KIZ: variants seen among roughly 807,000 people sequenced by gnomAD.
KIZ encodes the protein kizuna centrosomal protein.
KIZ carries 68 observed loss-of-function variants against 79.6 expected under a neutral mutation model. The observed-to-expected ratio is 0.85, with a 90% confidence interval of 0.70 to 1.05. The LOEUF is 1.05. Ranked by LOEUF, KIZ falls within the 50% of genes least tolerant of loss-of-function variation. KIZ has a pLI of 0.00. For missense variants in KIZ, 797 were observed against 800.4 expected (o/e 1.00, Z 0.05); for synonymous variants, 280 against 281.8 (o/e 0.99, Z 0.06).
At position 21,148,558 on chromosome 20, in the gene KIZ, A is replaced by G. The variant is rs548523264; in HGVS notation, c.405+2904A>G. Reference sequence around the variant, plus strand: ...CACTCAGATCCTCACAAATTTTACTATAGTAATTCTTCACCTCTATTATAT... The same window carrying G: ...CACTCAGATCCTCACAAATTTTACTGTAGTAATTCTTCACCTCTATTATAT... On this transcript the variant is annotated intron_variant, in intron 4 of 12. Transcript: ENST00000619189. 9.2e-5 allele frequency among the ~76,000 whole-genome samples: 14 copies of G among 152,298 alleles called. No individual in the cohort carries two copies. In the South Asian group the frequency reaches 1.5e-3, roughly 16 times the overall value.
chr20:21,189,365 A>G (rs894755034), intron 6 of KIZ, among the ~76,000 whole-genome samples: 1 of 152,196 alleles, frequency 6.6e-6, no homozygotes, highest in African/African-American at 2.4e-5. Flanking sequence ...AATGCTATTC[A>G]TTTCATAAAG....
At chr20:21,207,099 G>T (rs1268884524) in intron 7 of KIZ, among the ~76,000 whole-genome samples, 1 of 152,014 alleles carries the variant, frequency 6.6e-6, no homozygotes, top group Non-Finnish European at 1.5e-5. Context: ...TCTTTTTAAG[G>T]TGTTTCTAAA....
intron 7 of KIZ, among the ~76,000 whole-genome samples, chr20:21,211,523 A>T (rs1463788969): frequency 6.6e-6 from 1 of 152,224 alleles, no homozygotes; most frequent in African/African-American, 2.4e-5. Context: ...GCATAGTTCA[A>T]TCATAAGCAC....
At chr20:21,137,219 C>G (rs1205391234) in intron 3 of KIZ, among the ~76,000 whole-genome samples, 1 of 152,186 alleles carries the variant, frequency 6.6e-6, no homozygotes, top group Non-Finnish European at 1.5e-5. Context: ...CTGTGTGACC[C>G]AGAGTGACTG....
At chr20:21,229,553 ATTATTTTATT>A (rs553915602) in intron 10 of KIZ, among the ~76,000 whole-genome samples, 102 of 152,158 alleles carry the variant, frequency 6.7e-4, no homozygotes, top group African/African-American at 2.1e-3. Flanking sequence ...GCTAAATTTT[ATTATTTTATT>A]TTATTTTATT....
At chr20:21,152,504 T>A (rs941360037) in intron 4 of KIZ, among the ~76,000 whole-genome samples, 15 of 152,110 alleles carry the variant, frequency 9.9e-5, no homozygotes, top group Admixed American at 9.8e-4. Context: ...TGAATGGAGA[T>A]CTCTAAGAGA....
At position 21,229,027 on chromosome 20, in the gene KIZ, G is replaced by C; in HGVS notation, c.1695G>C (p.Gln565His). 1 of 1,604,546 alleles carries C rather than the reference G, an allele frequency of 6.2e-7. No individual in the cohort carries two copies. The highest frequency in any genetic ancestry group is 8.5e-7 in the Non-Finnish European group (1 of 1,172,350). The change falls in exon 10 of 13, where the codon CAG becomes CAC. Residue 565 changes from glutamine (Q) to histidine (H), a missense_variant. Coordinates refer to ENST00000619189, the MANE Select transcript of KIZ (RefSeq NM_018474.6). ...AATCAACAGAAACAGAAGCCTATCAGTTGCTGAAGAAGGCCACCCTTCAGG... is the reference window on the plus strand; with the variant it reads ...AATCAACAGAAACAGAAGCCTATCACTTGCTGAAGAAGGCCACCCTTCAGG... ...DIPITETEAY[Q>H]LLKKATLQDN...
intron 6 of KIZ, among the ~76,000 whole-genome samples, chr20:21,185,630 C>T (rs374513638): frequency 9.9e-5 from 15 of 151,580 alleles, no homozygotes; most frequent in East Asian, 9.7e-4. Context: ...AACAGGGTCT[C>T]GAACTCCTGG....
chr20:21,238,715 G>A (rs925947254), intron 11 of KIZ, among the ~76,000 whole-genome samples: 5 of 152,132 alleles, frequency 3.3e-5, no homozygotes, highest in Admixed American at 2.6e-4. Flanking sequence ...GTTTATTCTG[G>A]TGTCAGTCTC....
intron 6 of KIZ, among the ~76,000 whole-genome samples, chr20:21,175,613 G>C (rs2034400226): frequency 6.6e-6 from 1 of 152,152 alleles, no homozygotes; most frequent in South Asian, 2.1e-4. Flanking sequence ...TACCATAAAA[G>C]GCTTCCCCTC....
chr20:21,155,381 C>T (rs1196346200), intron 4 of KIZ, among the ~76,000 whole-genome samples: 2 of 149,904 alleles, frequency 1.3e-5, no homozygotes, highest in Admixed American at 6.8e-5. Context: ...ATGGATAAAC[C>T]TTGAAAACAT....
At chr20:21,136,741 G>A (rs1287718679) in intron 3 of KIZ, among the ~76,000 whole-genome samples, 189 bp downstream of exon 3, 1 of 151,996 alleles carries the variant, frequency 6.6e-6, no homozygotes, top group Non-Finnish European at 1.5e-5. Flanking sequence ...TGTACCTCCC[G>A]AGTAGCTGGG....
At chr20:21,245,224 G>A (rs2037349240) in intron 12 of KIZ, 1 of 152,158 alleles carries the variant, frequency 6.6e-6, no homozygotes, top group Non-Finnish European at 1.5e-5. Context: ...AACTGATTCA[G>A]AGCTGCTGTA....
chr20:21,166,323 T>C, intron 6 of KIZ: 1 of 1,604,174 alleles, frequency 6.2e-7, no homozygotes, highest in Non-Finnish European at 8.5e-7. Flanking sequence ...TGGAAGCAGA[T>C]TATTCTGCCA....
chr20:21,133,516 G>A (rs1321284745), intron 2 of KIZ, among the ~76,000 whole-genome samples: 1 of 152,212 alleles, frequency 6.6e-6, no homozygotes, highest in East Asian at 1.9e-4. Flanking sequence ...AGGGGCAAGT[G>A]TGAGAAAAGG....
intron 11 of KIZ, among the ~76,000 whole-genome samples, chr20:21,235,875 G>A (rs1490133378): frequency 1.3e-5 from 2 of 152,194 alleles, no homozygotes; most frequent in Non-Finnish European, 2.9e-5. Flanking sequence ...CTCTGATGGC[G>A]GTGGCATTTT....
intron 11 of KIZ, among the ~76,000 whole-genome samples, chr20:21,237,322 A>T (rs2037048919): frequency 6.6e-6 from 1 of 151,136 alleles, no homozygotes; most frequent in East Asian, 1.9e-4. Context: ...AAAAAAAAAA[A>T]TAGATATTGA....
At position 21,220,348 on chromosome 20, in the gene KIZ, A is replaced by C. The variant is rs1039744904; in HGVS notation, c.1678+4700A>C. Among the ~76,000 whole-genome samples the C allele has an allele frequency of 2.6e-5, 4 of 152,174 alleles. No homozygotes were observed. The East Asian group carries it at 5.8e-4, about 22-fold the overall frequency. On this transcript the variant is annotated intron_variant, in intron 9 of 12. Coordinates refer to ENST00000619189, the MANE Select transcript of KIZ (RefSeq NM_018474.6). ...TCACCCTACAAGTGGTCAGACAGAAACTTAGAAAGGTATCCTGCTCAAGGC... is the reference window on the plus strand; with the variant it reads ...TCACCCTACAAGTGGTCAGACAGAACCTTAGAAAGGTATCCTGCTCAAGGC...
rs1402978736 is a variant in KIZ at position 21,185,051 on chromosome 20, G to GA, written c.1353-20433dup. The stretch of plus-strand genomic sequence containing the variant: ...GAGCAAGACCCTGTCTCAAGGAAAG[G>GA]AAAAAAATAATTGTGTGTGTGTGTG... On this transcript the variant is annotated intron_variant, in intron 6 of 12. Transcript: ENST00000619189. 1.7e-4 allele frequency among the ~76,000 whole-genome samples: 25 copies of GA among 148,080 alleles called. No individual in the cohort carries two copies. In the South Asian group the frequency reaches 5.2e-3, roughly 31 times the overall value.
Sources: gnomAD v4.1 joint callset for allele counts (sites outside exome capture counted in the v4.1 genomes callset) on GRCh38, gnomAD v4.1.1 for gene constraint, MANE v1.5 for transcripts, NCBI Gene and HGNC (gene_info 2026-07-23, HGNC 2026-07-21) for gene names.